Variants in ZNF624 observed in about 807,000 individuals in gnomAD.
ZNF624 encodes zinc finger protein 624.
ZNF624 carries 43 observed loss-of-function variants against 74.7 expected under a neutral mutation model. The observed-to-expected ratio is 0.58, with a 90% CI of 0.45 to 0.74. The LOEUF is 0.74. ZNF624 is among the 30% of genes least tolerant of loss of function. ZNF624 has a pLI of 0.00. For synonymous variants in ZNF624, 331 were observed against 341.3 expected (o/e 0.97, Z 0.33); for missense variants, 820 against 1,030.0 (o/e 0.80, Z 2.79).
intron 3 of ZNF624, among the ~76,000 whole-genome samples, chr17:16,636,823 G>C (rs1187692667): frequency 6.6e-6 from 1 of 150,762 alleles, no homozygotes; most frequent in Non-Finnish European, 1.5e-5. Flanking sequence ...TACACGAAGA[G>C]AGACTCCGTC....
downstream of ZNF624, among the ~76,000 whole-genome samples, chr17:16,616,576 C>G (rs1015857429): frequency 6.6e-6 from 1 of 152,166 alleles, no homozygotes; most frequent in African/African-American, 2.4e-5. Context: ...CAAACAAAAA[C>G]TAAATGAGCT....
intron 3 of ZNF624, among the ~76,000 whole-genome samples, chr17:16,637,291 C>T (rs903523565): frequency 6.6e-6 from 1 of 152,126 alleles, no homozygotes; most frequent in African/African-American, 2.4e-5. Context: ...GCCATACTGC[C>T]CAAGGTAATT....
downstream of ZNF624, among the ~76,000 whole-genome samples, chr17:16,620,048 T>C (rs577306607): frequency 2.0e-5 from 3 of 152,370 alleles, no homozygotes; most frequent in East Asian, 5.8e-4. Flanking sequence ...GAATGTCAAA[T>C]TGTTCATTTA....
chr17:16,637,252 G>C (rs1228032286), intron 3 of ZNF624, among the ~76,000 whole-genome samples: 1 of 152,198 alleles, frequency 6.6e-6, no homozygotes, highest in East Asian at 1.9e-4. Context: ...CCATGCTCAT[G>C]GGTAGGAAGA....
At position 16,646,255 on chromosome 17, in the gene ZNF624, T is replaced by G. The variant is rs529620734; in HGVS notation, c.153+1074A>C. 1.8e-4 allele frequency among the ~76,000 whole-genome samples: 28 copies of G among 152,258 alleles called. 1 individual carries two copies. The highest frequency in any genetic ancestry group is 5.9e-4 in the Admixed American group (9 of 15,298). The stretch of plus-strand genomic sequence containing the variant: ...AGGTTTATGGTTCAAAGTCTAAAAC[T>G]ATGAATATTTCTACTCTAAGTTTTT... On this transcript the variant is annotated intron_variant, in intron 3 of 5. Coordinates refer to ENST00000311331, the MANE Select transcript of ZNF624 (RefSeq NM_020787.4).
rs1597491430 is a variant in ZNF624 at position 16,625,948 on chromosome 17, T to A, written c.377-1439A>T. ...TCCATGATAGAATGGTTTTATGATT[T>A]TTTTTTTTTTTTAATTTTTGAGGCA... On this transcript the variant is annotated intron_variant, in intron 5 of 5. Coordinates refer to ENST00000311331, the MANE Select transcript of ZNF624 (RefSeq NM_020787.4). Among the ~76,000 whole-genome samples, 4 of 150,866 alleles carry A rather than the reference T, an allele frequency of 2.7e-5. No individual in the cohort carries two copies. The South Asian group carries it at 8.3e-4, about 31-fold the overall frequency.
intron 5 of ZNF624, among the ~76,000 whole-genome samples, chr17:16,630,421 G>C (rs1220988375): frequency 6.6e-6 from 1 of 152,090 alleles, no homozygotes; most frequent in Non-Finnish European, 1.5e-5. Context: ...GCTGGGCATG[G>C]TGGTGCATGC....
chr17:16,646,251 A>C (rs1236366098), intron 3 of ZNF624, among the ~76,000 whole-genome samples: 1 of 152,174 alleles, frequency 6.6e-6, no homozygotes, highest in East Asian at 1.9e-4. Flanking sequence ...TCAAAGTCTA[A>C]AACTATGAAT....
Position 16,623,762 on chromosome 17 carries a change from A to C in ZNF624, c.1124T>G (p.Leu375Arg). 1 of 1,614,078 alleles carries C rather than the reference A, an allele frequency of 6.2e-7. No individual in the cohort carries two copies. ...CGKSFSQCAR[L>R]NQHQRIQTGE... ...AGTTTGAATTCTCTGGTGCTGATTA[A>C]GACGGGCACACTGGCTAAAAGATTT... Residue 375 changes from leucine (L) to arginine (R), a missense_variant, in exon 6 of 6, where the codon CTT (leucine) becomes CGT (arginine). Transcript: ENST00000311331. This position sits in a 1 kb window ranked among gnomAD's most constrained non-coding sequence, Gnocchi z 5.3.
At chr17:16,632,003 C>A (rs1849579762) in intron 5 of ZNF624, among the ~76,000 whole-genome samples, 1 of 152,198 alleles carries the variant, frequency 6.6e-6, no homozygotes, top group African/African-American at 2.4e-5. Flanking sequence ...AAACACTTTT[C>A]CCAATAAAAG....
chr17:16,624,107 G>A lies in ZNF624; in HGVS notation c.779C>T (p.Thr260Ile). The part of the protein sequence containing the change: ...EMKGSKAIRQ[T>I]SELTLGKKSN... ...TTTTTTCCCCAAAGTTAGTTCTGAA[G>A]TCTGCCTTATGGCTTTGCTGCCTTT... The change falls in exon 6 of 6, where the codon ACT becomes ATT. Residue 260 changes from threonine (T) to isoleucine (I), a missense_variant. Coordinates refer to ENST00000311331, the MANE Select transcript of ZNF624 (RefSeq NM_020787.4). The A allele has an allele frequency of 1.9e-6, 3 of 1,614,156 alleles. No individual in the cohort carries two copies. The South Asian group carries it at 3.3e-5, about 18-fold the overall frequency.
At chr17:16,619,844 G>A (rs767925532), downstream of ZNF624, among the ~76,000 whole-genome samples, 1 of 152,200 alleles carries the variant, frequency 6.6e-6, no homozygotes, top group Non-Finnish European at 1.5e-5. Flanking sequence ...TGAGGATTCG[G>A]AGGCAGAATG....
chr17:16,643,155 C>T (rs960361966), intron 3 of ZNF624, among the ~76,000 whole-genome samples: 3 of 152,150 alleles, frequency 2.0e-5, no homozygotes, highest in South Asian at 2.1e-4. Context: ...TCATATGATC[C>T]AGCAAAATTC....
downstream of ZNF624, among the ~76,000 whole-genome samples, chr17:16,618,187 T>A (rs541547213): frequency 3.2e-3 from 483 of 150,184 alleles, 3 homozygotes; most frequent in African/African-American, 0.01. Context: ...AAAAAAAAAA[T>A]ACAAAAAATT....
In ZNF624 at chr17:16,653,829, G is replaced by A. The variant is rs1235226929; in HGVS notation, c.-68C>T. 2 of 152,818 alleles carry A rather than the reference G, an allele frequency of 1.3e-5. No homozygotes were observed. Among genetic ancestry groups the A allele is most frequent in the Non-Finnish European group, 1.5e-5 (1 of 68,146 alleles). The allele number at this position is 152,818 out of a possible 1,614,324, so 9.5% of individuals were successfully genotyped here. A position where few individuals can be genotyped will look rare whatever the true frequency, so the allele number is the denominator to read the frequency against. ...CAGGGCGGGAACGCTTCCAGCAATG[G>A]CGGCGGCTCGGCGGTGCCGGCCTCC... On this transcript the variant is annotated 5_prime_UTR_variant, in exon 1 of 6. Transcript: ENST00000311331.
intron 5 of ZNF624, among the ~76,000 whole-genome samples, chr17:16,628,198 GGTT>G (rs1909119267): frequency 6.6e-6 from 1 of 152,120 alleles, no homozygotes; most frequent in Non-Finnish European, 1.5e-5. Flanking sequence ...GGGAGGTGGA[GGTT>G]GCAGTGAACT....
At chr17:16,637,945 A>G (rs1909373457) in intron 3 of ZNF624, among the ~76,000 whole-genome samples, 2 of 152,176 alleles carry the variant, frequency 1.3e-5, no homozygotes, top group Non-Finnish European at 2.9e-5. Context: ...ACAAAATGGG[A>G]GAAAATTTTT....
intron 5 of ZNF624, among the ~76,000 whole-genome samples, chr17:16,632,584 T>C (rs1485426069): frequency 6.6e-6 from 1 of 152,220 alleles, no homozygotes; most frequent in Non-Finnish European, 1.5e-5. Flanking sequence ...AATACGTAAT[T>C]CATGTGTGGA....
At chr17:16,638,742 A>ATATAGCATTAGGAGC (rs1909397493) in intron 3 of ZNF624, among the ~76,000 whole-genome samples, 1 of 152,082 alleles carries the variant, frequency 6.6e-6, no homozygotes, top group Non-Finnish European at 1.5e-5. Flanking sequence ...GCATTAGGAG[A>ATATAGCATTAGGAGC]TATGCCTAAT....
Sources: allele counts gnomAD v4.1 joint callset (sites outside exome capture counted in the v4.1 genomes callset), GRCh38; gene constraint gnomAD v4.1.1; non-coding constraint Gnocchi (gnomAD v3.1); transcripts MANE v1.5; gene names NCBI Gene and HGNC (gene_info 2026-07-23, HGNC 2026-07-21).